Variants in NAA35 observed in about 807,000 individuals in gnomAD.
The protein encoded by NAA35 is N-alpha-acetyltransferase 35, NatC auxiliary subunit.
A neutral mutation model predicts 101.7 loss-of-function variants in NAA35; 18 were observed. The ratio of observed to expected loss-of-function variants is 0.18; its 90% CI spans 0.12 to 0.26. The LOEUF is 0.26. NAA35 is among the 10% of genes least tolerant of loss of function. NAA35 has a pLI of 1.00. For synonymous variants in NAA35, 267 were observed against 273.1 expected (o/e 0.98, Z 0.22); for missense variants, 601 against 886.8 (o/e 0.68, Z 4.09).
chr9:85,973,977 G>A (rs1363810594), intron 6 of NAA35, among the ~76,000 whole-genome samples: 1 of 149,046 alleles, frequency 6.7e-6, no homozygotes, highest in Non-Finnish European at 1.5e-5. Flanking sequence ...TTTTTTTTGA[G>A]GCAGAGTCTC....
intron 2 of NAA35, among the ~76,000 whole-genome samples, chr9:85,943,461 GGGA>G (rs1828612299): frequency 6.6e-6 from 1 of 152,136 alleles, no homozygotes; most frequent in Admixed American, 6.5e-5. Context: ...TGCTCTGAAG[GGGA>G]GGAGTAAAGA....
intron 12 of NAA35, among the ~76,000 whole-genome samples, chr9:85,998,504 A>G (rs1340273919): frequency 6.6e-6 from 1 of 152,228 alleles, no homozygotes; most frequent in Non-Finnish European, 1.5e-5. Context: ...TCCCCTTAAG[A>G]TAAATTCCTA....
At chr9:85,945,643 C>T (rs919950049) in intron 2 of NAA35, among the ~76,000 whole-genome samples, 6 of 151,900 alleles carry the variant, frequency 3.9e-5, no homozygotes, top group East Asian at 1.9e-4. Context: ...CTCAGCCTCC[C>T]GAGTAGCTGG....
chr9:86,018,708 G>C lies in NAA35; in HGVS notation c.1924G>C (p.Asp642His). 6.2e-7 allele frequency: 1 copy of C among 1,613,322 alleles called. No individual in the cohort carries two copies. Among genetic ancestry groups the C allele is most frequent in the Non-Finnish European group, 8.5e-7 (1 of 1,179,816 alleles). ...VHYLQFKEMS[D>H]LNKYSPPPQS... ...TTCCCCTTCTTTTTAGGAAATGTCT[G>C]ACCTCAATAAATATAGCCCTCCTCC... Residue 642 changes from aspartate (D) to histidine (H), a missense_variant, in exon 21 of 23, where the codon GAC becomes CAC. Around this residue, in one of 8 missense-constraint regions of NAA35, gnomAD observed 90 missense variants for 108.7 expected, o/e 0.83. Transcript: ENST00000361671.
Position 86,022,101 on chromosome 9 carries a change from T to G in NAA35, c.*141T>G. On this transcript the variant is annotated 3_prime_UTR_variant, in exon 23 of 23. Coordinates refer to ENST00000361671, the MANE Select transcript of NAA35 (RefSeq NM_024635.4). ...CTCATTATAAGGAATACTTTTAGTT[T>G]GACAGCCTTATATGACATGAATGAA... 1.6e-6 allele frequency: 1 copy of G among 629,204 alleles called. No individual in the cohort carries two copies. The allele number at this position is 629,204 out of a possible 1,614,324, so 39.0% of individuals were successfully genotyped here.
intron 8 of NAA35, among the ~76,000 whole-genome samples, chr9:85,975,740 T>C (rs1025507120): frequency 4.6e-5 from 7 of 152,246 alleles, no homozygotes; most frequent in African/African-American, 1.7e-4. Context: ...TTTAGATTTT[T>C]ACTATGGTAT....
rs1316561483 is a variant in NAA35 at position 86,022,398 on chromosome 9, A to C, written c.*438A>C. The C allele has an allele frequency of 6.5e-6, 1 of 152,952 alleles. No homozygotes were observed. The highest frequency in any genetic ancestry group is 2.4e-5 in the African/African-American group (1 of 41,478). The allele number at this position is 152,952 out of a possible 1,614,324, so 9.5% of individuals were successfully genotyped here. A position where few individuals can be genotyped will look rare whatever the true frequency, so the allele number is the denominator to read the frequency against. On this transcript the variant is annotated 3_prime_UTR_variant, in exon 23 of 23. Transcript: ENST00000361671. ...TTGAGTAGTTCCAAAAACGTTATCC[A>C]AAAGAAGTTTCAAATCAAGGGATTA...
rs148203846 is a variant in NAA35 at position 86,008,523 on chromosome 9, A to G, written c.1223+1059A>G. Reference sequence around the variant, plus strand: ...TAAATGAGGTGTCTTAAACAGAAATACACATAAAATAAGGTTATTCATTGA... The same window carrying G: ...TAAATGAGGTGTCTTAAACAGAAATGCACATAAAATAAGGTTATTCATTGA... On this transcript the variant is annotated intron_variant, in intron 14 of 22. Coordinates refer to ENST00000361671, the MANE Select transcript of NAA35 (RefSeq NM_024635.4). Among the ~76,000 whole-genome samples the G allele has an allele frequency of 4.6e-5, 7 of 152,384 alleles. No individual in the cohort carries two copies. The East Asian group carries it at 5.8e-4, about 13-fold the overall frequency.
chr9:86,017,132 A>G (rs1439541561), intron 18 of NAA35, among the ~76,000 whole-genome samples: 2 of 152,276 alleles, frequency 1.3e-5, no homozygotes, highest in Admixed American at 6.5e-5. Flanking sequence ...AGGGAAGGCT[A>G]TAGATATGGC....
In NAA35 at chr9:85,966,570, T is replaced by TA. The variant is rs1220008491; in HGVS notation, c.516+4392dup. The stretch of plus-strand genomic sequence containing the variant: ...ATTTTTTCTTTCTTTCTTTTTTTTT[T>TA]AACCTCACCCACCTCTTGATCTCAG... On this transcript the variant is annotated intron_variant, in intron 6 of 22. Transcript: ENST00000361671. The TA allele has an allele frequency of 1.2e-5, 13 of 1,100,652 alleles. No homozygotes were observed. The East Asian group carries it at 7.3e-4, about 62-fold the overall frequency. The allele number at this position is 1,100,652 out of a possible 1,614,324, so 68.2% of individuals were successfully genotyped here.
In NAA35 at chr9:85,982,781, G is replaced by T. The variant is rs936263743; in HGVS notation, c.877+4400G>T. 3.9e-5 allele frequency among the ~76,000 whole-genome samples: 6 copies of T among 152,138 alleles called. No individual in the cohort carries two copies. The East Asian group carries it at 1.2e-3, about 29-fold the overall frequency. ...AATTCCAAACAAGCAATGAAGAAGTGATTTTTTTCTTTCAAGGCATAATTG... is the reference window on the plus strand; with the variant it reads ...AATTCCAAACAAGCAATGAAGAAGTTATTTTTTTCTTTCAAGGCATAATTG... On this transcript the variant is annotated intron_variant, in intron 11 of 22. Coordinates refer to ENST00000361671, the MANE Select transcript of NAA35 (RefSeq NM_024635.4).
At chr9:85,971,322 C>T (rs1829988829) in intron 6 of NAA35, among the ~76,000 whole-genome samples, 3 of 152,166 alleles carry the variant, frequency 2.0e-5, no homozygotes, top group African/African-American at 4.8e-5. Flanking sequence ...CTGTGAGCAT[C>T]GTTAGACCCG....
In NAA35 at chr9:85,966,571, A is replaced by G. The variant is rs1018084507; in HGVS notation, c.516+4391A>G. ...TTTTTTCTTTCTTTCTTTTTTTTTT[A>G]ACCTCACCCACCTCTTGATCTCAGA... On this transcript the variant is annotated intron_variant, in intron 6 of 22. Coordinates refer to ENST00000361671, the MANE Select transcript of NAA35 (RefSeq NM_024635.4). 1.0e-5 allele frequency: 11 copies of G among 1,099,230 alleles called. No individual in the cohort carries two copies. In the African/African-American group the frequency reaches 1.7e-4, roughly 17 times the overall value. 68.1% of individuals were successfully genotyped at this position (1,099,230 alleles called of 1,614,324 possible).
At chr9:85,993,233 C>T (rs892652419) in intron 11 of NAA35, among the ~76,000 whole-genome samples, 7 of 152,084 alleles carry the variant, frequency 4.6e-5, no homozygotes, top group East Asian at 3.9e-4. Flanking sequence ...GGTGCAGTGG[C>T]GCAATCTAAG....
At chr9:85,988,971 A>T (rs1205136019) in intron 11 of NAA35, among the ~76,000 whole-genome samples, 3 of 152,210 alleles carry the variant, frequency 2.0e-5, no homozygotes, top group Non-Finnish European at 2.9e-5. Flanking sequence ...AAAATGTTAG[A>T]CATTTCTAGA....
At chr9:85,966,908 A>G (rs1277501706) in intron 6 of NAA35, among the ~76,000 whole-genome samples, 2 of 152,214 alleles carry the variant, frequency 1.3e-5, no homozygotes, top group South Asian at 4.1e-4. Flanking sequence ...GGAGTTCGAG[A>G]CCAGCCTGGC....
chr9:86,024,443 G>A lies in NAA35; in HGVS notation c.*2483G>A, dbSNP rs1454239230. Among the ~76,000 whole-genome samples, 2 of 152,176 alleles carry A rather than the reference G, an allele frequency of 1.3e-5. No homozygotes were observed. Among genetic ancestry groups the A allele is most frequent in the African/African-American group, 2.4e-5 (1 of 41,430 alleles). On this transcript the variant is annotated 3_prime_UTR_variant, in exon 23 of 23. Transcript: ENST00000361671. ...CTGATATTGGTAGATTCTACTGAAG[G>A]CTTGTATGCAGGGACATGATGGGAT...
At chr9:85,970,492 T>G (rs1399636304) in intron 6 of NAA35, among the ~76,000 whole-genome samples, 1 of 152,156 alleles carries the variant, frequency 6.6e-6, no homozygotes, top group Non-Finnish European at 1.5e-5. Flanking sequence ...CTTAGTCAAG[T>G]GGCCAGAATT....
In NAA35 at chr9:85,977,558, A is replaced by G. The variant is rs945303082; in HGVS notation, c.762+112A>G. 6 of 695,274 alleles carry G rather than the reference A, an allele frequency of 8.6e-6. No individual in the cohort carries two copies. The African/African-American group carries it at 1.1e-4, about 12-fold the overall frequency. The allele number at this position is 695,274 out of a possible 1,614,324, so 43.1% of individuals were successfully genotyped here. On this transcript the variant is annotated intron_variant, in intron 10 of 22. Coordinates refer to ENST00000361671, the MANE Select transcript of NAA35 (RefSeq NM_024635.4). Reference sequence around the variant, plus strand: ...GAAGTGCTCCTGATCCCAGATATACAGAACTCAGCATTTGGTATATTTATA... The same window carrying G: ...GAAGTGCTCCTGATCCCAGATATACGGAACTCAGCATTTGGTATATTTATA...
Sources: allele counts gnomAD v4.1 joint callset (sites outside exome capture counted in the v4.1 genomes callset), GRCh38; gene constraint gnomAD v4.1.1; regional missense constraint gnomAD v4.1.1; transcripts MANE v1.5; gene names NCBI Gene and HGNC (gene_info 2026-07-23, HGNC 2026-07-21).